The following IQUB variants were observed in gnomAD, a reference collection of about 807,000 sequenced individuals.
IQUB encodes IQ motif and ubiquitin-like domain-containing protein.
Under a neutral mutation model 86.4 loss-of-function variants are expected in IQUB, and 86 were observed. The observed-to-expected ratio is 1.00, with a 90% CI of 0.84 to 1.19. The LOEUF is 1.19. Among genes scored for constraint, IQUB ranks in the 50% most tolerant of loss-of-function variants. The probability of loss-of-function intolerance (pLI) is 0.00; values close to 1 mark genes in which losing one functional copy is unlikely to be tolerated. For missense variants in IQUB, 946 were observed against 916.9 expected, an observed-to-expected ratio of 1.03 and a Z score of -0.41; for synonymous variants, 289 against 304.5, an observed-to-expected ratio of 0.95 and a Z score of 0.53.
In IQUB at chr7:123,502,707, A is replaced by T; in HGVS notation, c.913T>A (p.Ser305Thr). 1 of 1,606,930 alleles carries T rather than the reference A, an allele frequency of 6.2e-7. No homozygotes were observed. ...KNLQQTTNTT[S>T]TQMTNIGVYV... ...ACACCAATGTTAGTCATCTGTGTGG[A>T]TGTTGTATTTGTAGTTTGTTGGAGA... The change falls in exon 6 of 13, where the codon TCC (serine) becomes ACC (threonine). Residue 305 changes from serine (S) to threonine (T), a missense_variant. Transcript: ENST00000324698.
In IQUB at chr7:123,461,428, A is replaced by G; in HGVS notation, c.1936T>C (p.Cys646Arg). The change falls in exon 11 of 13, where the codon TGT becomes CGT. Residue 646 changes from cysteine (C) to arginine (R), a missense_variant. Transcript: ENST00000324698. ...GTATAGTAGAGCTGTTGAAGTAAAC[A>G]TTTGTACTTCAAAAATGATTCTCGT... ...QKRESFLKYK[C>R]LLQQLYYTEA... The G allele has an allele frequency of 6.2e-7, 1 of 1,612,242 alleles. No individual in the cohort carries two copies. Among genetic ancestry groups the G allele is most frequent in the Non-Finnish European group, 8.5e-7 (1 of 1,178,780 alleles).
chr7:123,514,979 A>T (rs889619212), intron 1 of IQUB, among the ~76,000 whole-genome samples: 4 of 152,232 alleles, frequency 2.6e-5, no homozygotes, highest in African/African-American at 9.6e-5. Flanking sequence ...AATAAAAAAC[A>T]GAAACATAGT....
chr7:123,466,852 A>T (rs1454785130), intron 9 of IQUB, among the ~76,000 whole-genome samples: 1 of 152,140 alleles, frequency 6.6e-6, no homozygotes, highest in Non-Finnish European at 1.5e-5. Flanking sequence ...TGTTCTGGCA[A>T]TCTGGGCCAT....
chr7:123,458,117 A>G (rs1342309956), intron 11 of IQUB: 3 of 152,038 alleles, frequency 2.0e-5, no homozygotes, highest in African/African-American at 4.8e-5. Context: ...TTTAATAAAG[A>G]TAAGTAATTC....
Position 123,464,930 on chromosome 7 carries a change from T to C in IQUB, c.1661A>G (p.His554Arg), listed in dbSNP as rs201518945. ...TTTTCTGAGTCCTTCAAGGTTATGA[T>C]GTTTGACTCCTCTCATCATAAGGTC... ...EVDLMMRGVK[H>R]HNLEGLRKRI... The change falls in exon 10 of 13, where the codon CAT becomes CGT. Residue 554 changes from histidine to arginine, a missense_variant. Transcript: ENST00000324698. 6.9e-5 allele frequency: 111 copies of C among 1,605,054 alleles called. 1 individual carries two copies. The highest frequency in any genetic ancestry group is 9.2e-5 in the Non-Finnish European group (108 of 1,175,160).
intron 12 of IQUB, among the ~76,000 whole-genome samples, chr7:123,455,611 G>A (rs767151894): frequency 1.1e-4 from 16 of 152,058 alleles, no homozygotes; most frequent in South Asian, 2.1e-4. Context: ...TTTTATAGAC[G>A]AGAAAGCTGG....
intron 1 of IQUB, among the ~76,000 whole-genome samples, chr7:123,522,408 T>C (rs1796948986): frequency 1.3e-5 from 2 of 152,230 alleles, no homozygotes. Flanking sequence ...CAGTTCCTGA[T>C]ACTTACTAGC....
chr7:123,465,434 T>C (rs1325126904), intron 9 of IQUB, among the ~76,000 whole-genome samples: 1 of 151,988 alleles, frequency 6.6e-6, no homozygotes, highest in Non-Finnish European at 1.5e-5. Context: ...GGAATTGTAA[T>C]TCGAAGGGAA....
At chr7:123,525,666 T>C (rs1171011248) in intron 1 of IQUB, among the ~76,000 whole-genome samples, 1 of 152,160 alleles carries the variant, frequency 6.6e-6, no homozygotes, top group East Asian at 1.9e-4. Context: ...CTGGATTCAT[T>C]AATTTTTTGA....
At chr7:123,457,596 T>C in intron 11 of IQUB, 30 bp from the exon 12 acceptor site, 1 of 1,526,794 alleles carries the variant, frequency 6.5e-7, no homozygotes, top group Non-Finnish European at 8.9e-7. Context: ...TTAAAAACAA[T>C]GTAGTTTAAA....
At chr7:123,508,389 G>A (rs1796282671) in intron 3 of IQUB, among the ~76,000 whole-genome samples, 1 of 152,172 alleles carries the variant, frequency 6.6e-6, no homozygotes, top group Admixed American at 6.5e-5. Flanking sequence ...GTGACTGTTA[G>A]AACAGCCATA....
chr7:123,463,621 T>C (rs1794103807), intron 10 of IQUB, among the ~76,000 whole-genome samples: 1 of 151,650 alleles, frequency 6.6e-6, no homozygotes. Flanking sequence ...TTGCCAAGGA[T>C]TGGGAAGTTA....
intron 2 of IQUB, among the ~76,000 whole-genome samples, chr7:123,510,254 A>G (rs1796359997): frequency 6.6e-6 from 1 of 152,136 alleles, no homozygotes; most frequent in Non-Finnish European, 1.5e-5. Flanking sequence ...AAATCAACCC[A>G]TAATCTCAAA....
Position 123,457,383 on chromosome 7 carries a change from C to T in IQUB, c.2191G>A (p.Glu731Lys), listed in dbSNP as rs1021829808. 1.2e-6 allele frequency: 2 copies of T among 1,610,214 alleles called. No individual in the cohort carries two copies. The highest frequency in any genetic ancestry group is 2.7e-5 in the African/African-American group (2 of 74,594). Residue 731 changes from glutamate (E) to lysine (K), a missense_variant and splice_region_variant, in exon 12 of 13, where the codon GAG becomes AAG. Physicochemically the swap from Glu to Lys is moderately conservative, Grantham distance 56. Transcript: ENST00000324698. ...CAAATAAAATTCAACTTTCTTACCT[C>T]TTCAATACTTGTTAGCTTGAGATGA... ...AAHLKLTSIE[E>K]GYERSFIHKI...
At chr7:123,461,745 A>T in intron 10 of IQUB, 140 bp from the exon 11 acceptor site, 1 of 722,338 alleles carries the variant, frequency 1.4e-6, no homozygotes, top group Non-Finnish European at 2.0e-6. Context: ...TAATTTCTAA[A>T]ATTTTATTTT....
chr7:123,461,435 C>T lies in IQUB; in HGVS notation c.1929G>A (p.Lys643=), dbSNP rs1793978314. ...AGAGCTGTTGAAGTAAACATTTGTA[C>T]TTCAAAAATGATTCTCGTTTTTGAG... The part of the protein sequence containing the change: ...NEAQKRESFL[K]YKCLLQQLYY... Residue 643 remains lysine (K), a synonymous_variant, in exon 11 of 13, where the codon AAG becomes AAA. Transcript: ENST00000324698. The T allele has an allele frequency of 1.2e-6, 2 of 1,612,050 alleles. No homozygotes were observed. Among genetic ancestry groups the T allele is most frequent in the South Asian group, 1.1e-5 (1 of 91,006 alleles).
intron 1 of IQUB, among the ~76,000 whole-genome samples, chr7:123,517,156 C>T (rs1490619020): frequency 6.6e-6 from 1 of 152,112 alleles, no homozygotes; most frequent in Non-Finnish European, 1.5e-5. Context: ...GGACTGCAAG[C>T]AAATATGCCT....
chr7:123,486,309 G>A (rs1372614375), intron 7 of IQUB, among the ~76,000 whole-genome samples: 2 of 152,136 alleles, frequency 1.3e-5, no homozygotes, highest in African/African-American at 4.8e-5. Flanking sequence ...TGATCTGACA[G>A]GTTACTTTCA....
intron 1 of IQUB, among the ~76,000 whole-genome samples, chr7:123,522,837 A>G (rs974649632): frequency 3.9e-4 from 56 of 144,458 alleles, no homozygotes; most frequent in African/African-American, 1.2e-3. Context: ...ATATCTCCCA[A>G]TGCTATCCCT....
Sources: gnomAD v4.1 joint callset for allele counts (sites outside exome capture counted in the v4.1 genomes callset) on GRCh38, gnomAD v4.1.1 for gene constraint, MANE v1.5 for transcripts, NCBI Gene and HGNC (gene_info 2026-07-23, HGNC 2026-07-21) for gene names.